Variants in TLN1 observed in about 807,000 individuals in gnomAD.
TLN1 encodes talin 1.
TLN1 carries 56 observed loss-of-function variants against 292.3 expected under a neutral mutation model. The observed-to-expected ratio is 0.19, with a 90% CI of 0.15 to 0.24. TLN1 has a LOEUF of 0.24. TLN1 is among the 10% of genes least tolerant of loss of function. The pLI, the probability that TLN1 is intolerant of heterozygous loss-of-function variation, is 1.00. For missense variants in TLN1, 2,433 were observed against 3,248.2 expected (o/e 0.75, Z 6.10); for synonymous variants, 1,119 against 1,253.7 (o/e 0.89, Z 2.27).
rs1587989086 is a variant in TLN1, at chr9:35,722,227, T to C, written c.844-4A>G. ...TCTGCCCACAATTCTTGTGTGCCTG[T>C]GCATAAAATGGGGAAGAATTTAGCA... is the stretch of plus-strand genomic sequence containing the variant. On this transcript the variant is annotated splice_region_variant and splice_polypyrimidine_tract_variant and intron_variant, in intron 8 of 56. Coordinates refer to ENST00000314888, the MANE Select transcript of TLN1 (RefSeq NM_006289.4). 1.2e-6 allele frequency: 2 copies of C among 1,613,480 alleles called. No individual in the cohort carries two copies. The highest frequency in any genetic ancestry group is 1.3e-5 in the African/African-American group (1 of 75,002).
intron 1 of TLN1, 25 bp from the exon 2 acceptor site, chr9:35,725,752 G>A: frequency 6.3e-7 from 1 of 1,596,016 alleles, no homozygotes; most frequent in South Asian, 1.1e-5. Flanking sequence ...CAGGGCATTA[G>A]AATACACTCT....
intron 1 of TLN1, among the ~76,000 whole-genome samples, chr9:35,728,208 G>C (rs1253957883): frequency 6.6e-6 from 1 of 152,200 alleles, no homozygotes; most frequent in Non-Finnish European, 1.5e-5. Flanking sequence ...TTGGAGCTAA[G>C]AAAGTTGGGG....
In TLN1 at chr9:35,714,740, C is replaced by T. The variant is rs1436854630; in HGVS notation, c.2871+20G>A. The T allele has an allele frequency of 1.2e-6, 2 of 1,609,104 alleles. No individual in the cohort carries two copies. The highest frequency in any genetic ancestry group is 1.7e-5 in the Admixed American group (1 of 59,774). Reference sequence around the variant, plus strand: ...CACAAGTCTCCCTCTTCCACTCCCACATCCTTCCTAGAGTCTTACCTTGCA... The same window carrying T: ...CACAAGTCTCCCTCTTCCACTCCCATATCCTTCCTAGAGTCTTACCTTGCA... On this transcript the variant is annotated intron_variant, in intron 22 of 56. Transcript: ENST00000314888. The surrounding 1 kb of genome is among the most constrained non-coding windows in gnomAD (Gnocchi z 4.6).
At chr9:35,718,156 T>C (rs891323354) in intron 17 of TLN1, among the ~76,000 whole-genome samples, 1 of 152,234 alleles carries the variant, frequency 6.6e-6, no homozygotes, top group African/African-American at 2.4e-5. Flanking sequence ...GATCTTGGAT[T>C]GGAAGTGGTC....
chr9:35,704,621 A>G lies in TLN1; in HGVS notation c.5880+48T>C. ...GGGCTGGAGGAGGATGGCAAAGGCT[A>G]CAGAGTTTGGAGGCAGTCCCACCAT... On this transcript the variant is annotated intron_variant, in intron 44 of 56. Coordinates refer to ENST00000314888, the MANE Select transcript of TLN1 (RefSeq NM_006289.4). This position sits in a 1 kb window ranked among gnomAD's most constrained non-coding sequence, Gnocchi z 6.9. 6.2e-7 allele frequency: 1 copy of G among 1,607,996 alleles called. No homozygotes were observed. Among genetic ancestry groups the G allele is most frequent in the East Asian group, 2.2e-5 (1 of 44,748 alleles).
At chr9:35,718,653 A>G (rs1405755308) in intron 17 of TLN1, among the ~76,000 whole-genome samples, 159 bp downstream of exon 17, 1 of 152,206 alleles carries the variant, frequency 6.6e-6, no homozygotes, top group Non-Finnish European at 1.5e-5. Context: ...TCTAACCCCT[A>G]AAAGAGAGAT....
chr9:35,701,261 G>A (rs1006637448), intron 48 of TLN1, among the ~76,000 whole-genome samples: 1 of 152,136 alleles, frequency 6.6e-6, no homozygotes, highest in Admixed American at 6.5e-5. Flanking sequence ...CATCACTAAT[G>A]GGTTTTAAGT....
rs1467498990 is a variant in TLN1 at position 35,714,179 on chromosome 9, G to A, written c.3120+60C>T. 29 of 1,596,584 alleles carry A rather than the reference G, an allele frequency of 1.8e-5. No individual in the cohort carries two copies. The highest frequency in any genetic ancestry group is 2.5e-5 in the Non-Finnish European group (29 of 1,167,504). On this transcript the variant is annotated intron_variant, in intron 24 of 56. Coordinates refer to ENST00000314888, the MANE Select transcript of TLN1 (RefSeq NM_006289.4). The surrounding 1 kb of genome is among the most constrained non-coding windows in gnomAD (Gnocchi z 4.6). ...TCTGCGTATTGGGTTATTCTGCACA[G>A]ATTTCCTCTCATCACAGGACTCCAG...
At chr9:35,715,999 T>C (rs1825772505) in intron 20 of TLN1, among the ~76,000 whole-genome samples, 1 of 152,124 alleles carries the variant, frequency 6.6e-6, no homozygotes, top group Non-Finnish European at 1.5e-5. Context: ...TCTGATCTGA[T>C]TACTATACAT....
In TLN1 at chr9:35,725,571, C is replaced by A. The variant is rs767604786; in HGVS notation, c.124G>T (p.Gly42Cys). Residue 42 changes from glycine to cysteine, a missense_variant, in exon 2 of 57, where the codon GGT becomes TGT. Coordinates refer to ENST00000314888, the MANE Select transcript of TLN1 (RefSeq NM_006289.4). ...IRERIPEAPA[G>C]PPSDFGLFLS... ...CCGGGGGAGTCAGACTCACGAGGAC[C>A]AGCTGGGGCCTCTGGGATCCGCTCA... The A allele has an allele frequency of 6.2e-7, 1 of 1,612,730 alleles. No homozygotes were observed. The highest frequency in any genetic ancestry group is 8.5e-7 in the Non-Finnish European group (1 of 1,179,184).
chr9:35,712,016 G>C lies in TLN1; in HGVS notation c.3670C>G (p.Leu1224Val). The change falls in exon 28 of 57, where the codon CTG (leucine) becomes GTG (valine). Residue 1224 changes from leucine to valine, a missense_variant. Physicochemically the swap from Leu to Val is conservative, Grantham distance 32. Around this residue, in one of 7 missense-constraint regions of TLN1, gnomAD observed 1,384 missense variants for 1,699.6 expected, o/e 0.81. Transcript: ENST00000314888. Reference sequence around the variant, plus strand: ...TACCGTCCTCCTACCGAGTCACTCAGGAGTCGCTTGCTGGCATCTCCAACT... The same window carrying C: ...TACCGTCCTCCTACCGAGTCACTCACGAGTCGCTTGCTGGCATCTCCAACT... ...RAVGDASKRL[L>V]SDSLPPSTGT... is the part of the protein sequence containing the mutation. 1 of 1,613,944 alleles carries C rather than the reference G, an allele frequency of 6.2e-7. No homozygotes were observed. Among genetic ancestry groups the C allele is most frequent in the Non-Finnish European group, 8.5e-7 (1 of 1,180,004 alleles).
At chr9:35,711,523 A>G in intron 29 of TLN1, 72 bp downstream of exon 29, 1 of 1,609,010 alleles carries the variant, frequency 6.2e-7, no homozygotes, top group Non-Finnish European at 8.5e-7. Context: ...GCAAGTCAGG[A>G]CTGGTCACTC....
In TLN1 at chr9:35,699,661, C is replaced by T; in HGVS notation, c.6769-200G>A. On this transcript the variant is annotated intron_variant, in intron 50 of 56. Transcript: ENST00000314888. This position sits in a 1 kb window ranked among gnomAD's most constrained non-coding sequence, Gnocchi z 4.0. ...ATAGAGACAGTGGGGCTGTGTCACT[C>T]ACCGGCTGACAAGGAGCAAGGAGAA... 1.0e-6 allele frequency: 1 copy of T among 985,356 alleles called. No individual in the cohort carries two copies. Among genetic ancestry groups the T allele is most frequent in the East Asian group, 1.1e-4 (1 of 8,808 alleles). 61.0% of individuals were successfully genotyped at this position (985,356 alleles called of 1,614,324 possible).
intron 25 of TLN1, 110 bp downstream of exon 25, chr9:35,713,843 A>G: frequency 8.4e-7 from 1 of 1,195,174 alleles, no homozygotes; most frequent in South Asian, 1.8e-5. Flanking sequence ...TAAAAGAGAG[A>G]AAGAGAAAAA....
chr9:35,723,460 A>G (rs1778699051), intron 7 of TLN1: 1 of 183,570 alleles, frequency 5.4e-6, no homozygotes, highest in African/African-American at 2.4e-5. Flanking sequence ...ACTGAGGAAA[A>G]TTAAGTTAGA....
intron 10 of TLN1, among the ~76,000 whole-genome samples, chr9:35,721,327 T>C (rs1044200964): frequency 2.0e-5 from 3 of 152,206 alleles, no homozygotes; most frequent in South Asian, 2.1e-4. Flanking sequence ...AACCCTATAA[T>C]ATAAAGTCAA....
At position 35,698,331 on chromosome 9, in the gene TLN1, G is replaced by T. The variant is rs1419379866; in HGVS notation, c.7363C>A (p.Arg2455=). The change falls in exon 55 of 57, where the codon CGA becomes AGA. Residue 2455 remains arginine (R), a synonymous_variant. Coordinates refer to ENST00000314888, the MANE Select transcript of TLN1 (RefSeq NM_006289.4). The surrounding 1 kb of genome is among the most constrained non-coding windows in gnomAD (Gnocchi z 5.3). ...KADQDSEAMK[R]LQAAGNAVKR... is the part of the protein sequence containing the mutation. ...TGGGTCAGGGTTCTCACCTGAAGTC[G>T]TTTCATTGCCTCCGAGTCCTGGTCA... 1 of 1,613,964 alleles carries T rather than the reference G, an allele frequency of 6.2e-7. No individual in the cohort carries two copies. The highest frequency in any genetic ancestry group is 8.5e-7 in the Non-Finnish European group (1 of 1,179,992).
intron 49 of TLN1, 24 bp downstream of exon 49, chr9:35,700,167 C>A (rs551759488): frequency 3.8e-6 from 6 of 1,592,432 alleles, no homozygotes; most frequent in Non-Finnish European, 8.6e-7. Flanking sequence ...AGCTGCCTCA[C>A]GGAAATGCCT....
Position 35,698,355 on chromosome 9 carries a change from C to A in TLN1, c.7339G>T (p.Asp2447Tyr). The A allele has an allele frequency of 6.2e-7, 1 of 1,614,172 alleles. No individual in the cohort carries two copies. Among genetic ancestry groups the A allele is most frequent in the South Asian group, 1.1e-5 (1 of 91,076 alleles). Residue 2447 changes from aspartate (D) to tyrosine (Y), a missense_variant, in exon 55 of 57, where the codon GAC becomes TAC. Physicochemically the swap from Asp to Tyr is radical, Grantham distance 160. Transcript: ENST00000314888. This position sits in a 1 kb window ranked among gnomAD's most constrained non-coding sequence, Gnocchi z 5.3. ...QLLVACKVKADQDSEAMKRLQ... is the reference protein window; with the variant it reads ...QLLVACKVKAYQDSEAMKRLQ... Reference sequence around the variant, plus strand: ...CGTTTCATTGCCTCCGAGTCCTGGTCAGCCTTGACCTTGCAGGCCACAAGG... The same window carrying A: ...CGTTTCATTGCCTCCGAGTCCTGGTAAGCCTTGACCTTGCAGGCCACAAGG...
Sources: allele counts gnomAD v4.1 joint callset (sites outside exome capture counted in the v4.1 genomes callset), GRCh38; gene constraint gnomAD v4.1.1; regional missense constraint gnomAD v4.1.1; non-coding constraint Gnocchi (gnomAD v3.1); transcripts MANE v1.5; gene names NCBI Gene and HGNC (gene_info 2026-07-23, HGNC 2026-07-21).